The following IQUB variants were observed in gnomAD, a reference collection of about 807,000 sequenced individuals.
The protein encoded by IQUB is IQ motif and ubiquitin-like domain-containing protein.
Under a neutral mutation model 86.4 loss-of-function variants are expected in IQUB, and 86 were observed. The observed-to-expected ratio is 1.00, with a 90% CI of 0.84 to 1.19. The LOEUF is 1.19. IQUB is among the 50% of genes most tolerant of loss of function. The pLI, the probability that IQUB is intolerant of heterozygous loss-of-function variation, is 0.00. For missense variants in IQUB, 946 were observed against 916.9 expected, an observed-to-expected ratio of 1.03 and a Z score of -0.41; for synonymous variants, 289 against 304.5, an observed-to-expected ratio of 0.95 and a Z score of 0.53.
At chr7:123,526,797 T>C (rs1797238039) in intron 1 of IQUB, among the ~76,000 whole-genome samples, 1 of 152,180 alleles carries the variant, frequency 6.6e-6, no homozygotes, top group African/African-American at 2.4e-5. Flanking sequence ...CTAGTCTCGA[T>C]GGTCTTTACA....
chr7:123,503,433 GT>G (rs2117210570), intron 3 of IQUB, 70 bp from the exon 4 acceptor site: 2 of 825,474 alleles, frequency 2.4e-6, no homozygotes, highest in South Asian at 1.8e-5. Context: ...CTTATTTTTT[GT>G]TTTTAATTGA....
intron 9 of IQUB, among the ~76,000 whole-genome samples, chr7:123,465,624 T>C (rs1181268060): frequency 1.3e-5 from 2 of 152,038 alleles, no homozygotes; most frequent in Non-Finnish European, 2.9e-5. Flanking sequence ...GAAATATTTA[T>C]AAGGTCCTCC....
chr7:123,494,350 G>C (rs759290246), intron 7 of IQUB, among the ~76,000 whole-genome samples: 6 of 152,058 alleles, frequency 3.9e-5, no homozygotes, highest in Non-Finnish European at 8.8e-5. Context: ...ATGAATTATA[G>C]CTCAAAGTAT....
intron 3 of IQUB, among the ~76,000 whole-genome samples, chr7:123,504,553 G>A (rs1372531871): frequency 1.3e-5 from 2 of 152,160 alleles, no homozygotes; most frequent in Non-Finnish European, 2.9e-5. Flanking sequence ...TGAAGAGGAA[G>A]AAGGCACATC....
chr7:123,460,767 G>GGTTAA (rs1793940914), intron 11 of IQUB, among the ~76,000 whole-genome samples: 1 of 151,844 alleles, frequency 6.6e-6, no homozygotes, highest in African/African-American at 2.4e-5. Flanking sequence ...CCGAAGTAGT[G>GGTTAA]GTTAAGTTAG....
chr7:123,526,289 G>C (rs1260301808), intron 1 of IQUB, among the ~76,000 whole-genome samples: 3 of 152,172 alleles, frequency 2.0e-5, no homozygotes, highest in African/African-American at 4.8e-5. Flanking sequence ...TCTGTCTAAT[G>C]TTGACAGTGG....
At chr7:123,526,081 T>A (rs1286245547) in intron 1 of IQUB, among the ~76,000 whole-genome samples, 4 of 149,298 alleles carry the variant, frequency 2.7e-5, no homozygotes, top group South Asian at 4.3e-4. Context: ...TTGTTATAAT[T>A]TCTGTTCTTT....
chr7:123,456,281 T>G (rs1235564252), intron 12 of IQUB, among the ~76,000 whole-genome samples: 1 of 152,076 alleles, frequency 6.6e-6, no homozygotes, highest in Non-Finnish European at 1.5e-5. Context: ...AGCACTGGAA[T>G]ATCAGCTTTG....
intron 1 of IQUB, among the ~76,000 whole-genome samples, chr7:123,528,429 T>C (rs1797367270): frequency 6.6e-6 from 1 of 152,200 alleles, no homozygotes; most frequent in Non-Finnish European, 1.5e-5. Flanking sequence ...ATTATGCCCA[T>C]TTTACAGATA....
intron 2 of IQUB, 146 bp from the exon 3 acceptor site, chr7:123,510,181 C>A: frequency 1.8e-6 from 1 of 566,742 alleles, no homozygotes; most frequent in South Asian, 2.8e-5. Flanking sequence ...CTGCTGTGCC[C>A]CAATGATAAC....
At chr7:123,505,715 G>A (rs1483646210) in intron 3 of IQUB, among the ~76,000 whole-genome samples, 4 of 152,218 alleles carry the variant, frequency 2.6e-5, no homozygotes, top group African/African-American at 9.6e-5. Context: ...CCTGTGACAA[G>A]AGGGGCTGCC....
intron 8 of IQUB, among the ~76,000 whole-genome samples, chr7:123,475,177 T>C (rs1403853721): frequency 6.6e-6 from 1 of 152,142 alleles, no homozygotes; most frequent in African/African-American, 2.4e-5. Context: ...CCTTATCTAG[T>C]TCCCTCTAGA....
At chr7:123,478,255 A>AGTTG (rs1287806055) in intron 8 of IQUB, among the ~76,000 whole-genome samples, 4,879 of 152,278 alleles carry the variant, frequency 0.032, 251 homozygotes, top group African/African-American at 0.11. Context: ...GCCATAAAAA[A>AGTTG]GGATGAGTTC....
chr7:123,493,220 C>G (rs1795551711), intron 7 of IQUB, among the ~76,000 whole-genome samples: 1 of 152,088 alleles, frequency 6.6e-6, no homozygotes. Flanking sequence ...ACCAGGAATA[C>G]TCCCTTGAAG....
chr7:123,483,662 A>C (rs1291626166), intron 7 of IQUB, among the ~76,000 whole-genome samples: 1 of 152,070 alleles, frequency 6.6e-6, no homozygotes. Context: ...GACATACTAT[A>C]AAATCCTTCC....
intron 9 of IQUB, among the ~76,000 whole-genome samples, chr7:123,467,176 CTTTAA>C (rs1433771281): frequency 1.3e-5 from 2 of 151,044 alleles, no homozygotes; most frequent in African/African-American, 4.9e-5. Context: ...TCAATATTTC[CTTTAA>C]TTTGAGCTAT....
At chr7:123,490,147 CA>C (rs1177678777) in intron 7 of IQUB, among the ~76,000 whole-genome samples, 1 of 151,292 alleles carries the variant, frequency 6.6e-6, no homozygotes, top group East Asian at 1.9e-4. Flanking sequence ...ATGTTGCCTA[CA>C]AAAAACACAT....
At chr7:123,489,539 A>G (rs1021677998) in intron 7 of IQUB, among the ~76,000 whole-genome samples, 1 of 151,894 alleles carries the variant, frequency 6.6e-6, no homozygotes, top group Admixed American at 6.6e-5. Context: ...AAAAAATATT[A>G]AAAATATAAT....
chr7:123,501,805 T>C (rs1795957764), intron 6 of IQUB: 1 of 152,220 alleles, frequency 6.6e-6, no homozygotes, highest in Non-Finnish European at 1.5e-5. Flanking sequence ...CTGCTTCCCC[T>C]AAATCCCACT....
Sources: allele counts gnomAD v4.1 joint callset (sites outside exome capture counted in the v4.1 genomes callset), GRCh38; gene constraint gnomAD v4.1.1; transcripts MANE v1.5; gene names NCBI Gene and HGNC (gene_info 2026-07-23, HGNC 2026-07-21).